Variants in LRGUK observed in about 807,000 individuals in gnomAD.
The protein encoded by LRGUK is leucine rich repeats and guanylate kinase domain containing.
Under a neutral mutation model 76.0 loss-of-function variants are expected in LRGUK, and 65 were observed. That is an observed-to-expected ratio of 0.85 (90% CI 0.70 to 1.05). The LOEUF (loss-of-function observed/expected upper bound fraction) is 1.05. Among genes scored for constraint, LRGUK ranks in the 50% least tolerant of loss-of-function variants. LRGUK has a pLI of 0.00. For synonymous variants in LRGUK, 268 were observed against 265.6 expected, an observed-to-expected ratio of 1.01 and a Z score of -0.09; for missense variants, 758 against 732.8, an observed-to-expected ratio of 1.03 and a Z score of -0.40.
chr7:134,149,938 A>C (rs966291793), intron 5 of LRGUK, among the ~76,000 whole-genome samples: 1 of 151,616 alleles, frequency 6.6e-6, no homozygotes, highest in Non-Finnish European at 1.5e-5. Flanking sequence ...TTTTAATAAG[A>C]CCCCCCCAAA....
chr7:134,201,649 T>C, intron 15 of LRGUK, 73 bp downstream of exon 15: 1 of 1,078,450 alleles, frequency 9.3e-7, no homozygotes, highest in South Asian at 1.4e-5. Flanking sequence ...GAGTTGCTAT[T>C]TGGGTACTCA....
Position 134,221,776 on chromosome 7 carries a change from C to G in LRGUK, c.1844-3C>G. On this transcript the variant is annotated splice_region_variant and splice_polypyrimidine_tract_variant and intron_variant, in intron 15 of 19. Transcript: ENST00000285928. ...TTTAAACTTTATTTTTTTTTCCTAC[C>G]AGATGTTAAGACATCCCACCTGAAA... is the stretch of plus-strand genomic sequence containing the variant. The G allele has an allele frequency of 6.8e-7, 1 of 1,477,394 alleles. No homozygotes were observed. Among genetic ancestry groups the G allele is most frequent in the Non-Finnish European group, 8.9e-7 (1 of 1,118,596 alleles). 91.5% of individuals were successfully genotyped at this position (1,477,394 alleles called of 1,614,324 possible).
intron 16 of LRGUK, among the ~76,000 whole-genome samples, chr7:134,245,074 A>G (rs1353839657): frequency 6.6e-6 from 1 of 152,104 alleles, no homozygotes; most frequent in Admixed American, 6.5e-5. Flanking sequence ...ATTAGGAGAT[A>G]TACCTAATGT....
chr7:134,270,262 A>G, the LRGUK span, among the ~76,000 whole-genome samples: 1 of 152,202 alleles, frequency 6.6e-6, no homozygotes, highest in Non-Finnish European at 1.5e-5. Flanking sequence ...CAAAAAATCA[A>G]TTGTATTTCT....
At chr7:134,147,879 G>T (rs1488893497) in intron 4 of LRGUK, among the ~76,000 whole-genome samples, 1 of 152,004 alleles carries the variant, frequency 6.6e-6, no homozygotes, top group Non-Finnish European at 1.5e-5. Flanking sequence ...GGCTAACACA[G>T]TGGAACCCCA....
At chr7:134,201,724 C>G in intron 15 of LRGUK, 148 bp downstream of exon 15, 1 of 596,986 alleles carries the variant, frequency 1.7e-6, no homozygotes, top group Non-Finnish European at 2.9e-6. Context: ...GTCCCCAAAA[C>G]AAGCAGCATG....
downstream of LRGUK, among the ~76,000 whole-genome samples, chr7:134,267,207 A>G (rs1400697328): frequency 6.6e-6 from 1 of 152,220 alleles, no homozygotes; most frequent in Non-Finnish European, 1.5e-5. Flanking sequence ...AGAAAAATGG[A>G]AAGAGTAAAA....
intron 8 of LRGUK, among the ~76,000 whole-genome samples, chr7:134,174,902 G>C (rs557860945): frequency 6.6e-6 from 1 of 152,228 alleles, no homozygotes; most frequent in Non-Finnish European, 1.5e-5. Context: ...ATATCATTTA[G>C]TTGCTCTGCT....
intron 16 of LRGUK, among the ~76,000 whole-genome samples, chr7:134,241,235 C>T (rs1398558813): frequency 3.3e-5 from 5 of 152,122 alleles, no homozygotes; most frequent in Admixed American, 6.5e-5. Flanking sequence ...GCTAAATGCT[C>T]CAATTAAAAG....
chr7:134,250,556 T>C (rs898852307), intron 18 of LRGUK, among the ~76,000 whole-genome samples: 11 of 152,216 alleles, frequency 7.2e-5, no homozygotes, highest in Non-Finnish European at 1.6e-4. Flanking sequence ...AAATGAGCAA[T>C]GCTTTCCTTT....
rs563842698 is a variant in LRGUK at position 134,139,701 on chromosome 7, C to T, written c.487+184C>T. ...TGCTGAGAGAGAAAAAGGCACAGAT[C>T]TGCAATATGATGATGTGGCTGAGAT... On this transcript the variant is annotated intron_variant, in intron 3 of 15. Coordinates refer to ENST00000645682, the Ensembl canonical transcript of LRGUK. Among the ~76,000 whole-genome samples, 4 of 152,234 alleles carry T rather than the reference C, an allele frequency of 2.6e-5. No individual in the cohort carries two copies. The East Asian group carries it at 7.7e-4, about 29-fold the overall frequency.
At chr7:134,196,171 A>G (rs1190273079) in intron 12 of LRGUK, among the ~76,000 whole-genome samples, 1 of 152,232 alleles carries the variant, frequency 6.6e-6, no homozygotes, top group African/African-American at 2.4e-5. Context: ...TGCCAAGATC[A>G]TCCACGTTTT....
chr7:134,186,164 C>A (rs1481437214), intron 11 of LRGUK, among the ~76,000 whole-genome samples: 2 of 152,144 alleles, frequency 1.3e-5, no homozygotes, highest in African/African-American at 2.4e-5. Flanking sequence ...GTAGCCCAGT[C>A]CTGTTTATTT....
exon 14 of LRGUK, chr7:134,199,416 A>G (rs200411120): frequency 9.9e-6 from 16 of 1,610,374 alleles, no homozygotes; most frequent in Admixed American, 5.0e-5. Flanking sequence ...GAGGTAATCA[A>G]TGCAGGTTGG....
At chr7:134,247,673 G>C in intron 17 of LRGUK, 29 bp downstream of exon 17, 1 of 1,524,076 alleles carries the variant, frequency 6.6e-7, no homozygotes, top group Non-Finnish European at 9.1e-7. Flanking sequence ...AGCAACTTTA[G>C]ATTGATTTCC....
chr7:134,241,768 C>T (rs575355725), intron 16 of LRGUK, among the ~76,000 whole-genome samples: 50 of 152,212 alleles, frequency 3.3e-4, no homozygotes, highest in African/African-American at 1.2e-3. Context: ...CTCAGCACCA[C>T]ATCACACTTA....
intron 11 of LRGUK, among the ~76,000 whole-genome samples, chr7:134,190,932 C>G (rs1800205992): frequency 1.3e-5 from 2 of 151,134 alleles, no homozygotes; most frequent in Non-Finnish European, 1.5e-5. Flanking sequence ...TGGGGATAGA[C>G]AGTAGTTGAG....
intron 14 of LRGUK, among the ~76,000 whole-genome samples, chr7:134,201,071 C>G (rs1335614836): frequency 1.3e-5 from 2 of 152,168 alleles, no homozygotes; most frequent in African/African-American, 2.4e-5. Context: ...ACCAGCACAT[C>G]GAATCCTCCT....
chr7:134,171,833 G>A (rs1363270207), intron 7 of LRGUK, among the ~76,000 whole-genome samples: 2 of 152,158 alleles, frequency 1.3e-5, no homozygotes, highest in Non-Finnish European at 2.9e-5. Context: ...TGTGGCCTTT[G>A]CAGAGAAAAG....
Sources: gnomAD v4.1 joint callset for allele counts (sites outside exome capture counted in the v4.1 genomes callset) on GRCh38, gnomAD v4.1.1 for gene constraint, MANE v1.5 for transcripts, NCBI Gene and HGNC (gene_info 2026-07-23, HGNC 2026-07-21) for gene names.